Variants in AFF1 observed in about 807,000 individuals in gnomAD.
The protein encoded by AFF1 is ALF transcription elongation factor 1.
In AFF1, 48 loss-of-function variants were observed where a neutral mutation model predicts 121.7. The observed-to-expected ratio is 0.39, with a 90% CI of 0.31 to 0.50. The LOEUF (loss-of-function observed/expected upper bound fraction) is 0.50, where lower values mean the gene tolerates loss of function less well. Among genes scored for constraint, AFF1 ranks in the 20% least tolerant of loss-of-function variants. AFF1 has a pLI of 0.76. For synonymous variants in AFF1, 613 were observed against 563.0 expected (o/e 1.09, Z -1.26); for missense variants, 1,523 against 1,511.7 (o/e 1.01, Z -0.12).
At chr4:87,041,876 G>T (rs902022434) in intron 2 of AFF1, among the ~76,000 whole-genome samples, 4 of 151,996 alleles carry the variant, frequency 2.6e-5, no homozygotes, top group Admixed American at 6.6e-5. Context: ...TTAGCCAGGC[G>T]TGGTGTCGGG....
At chr4:87,071,980 TTG>T (rs149152030) in intron 4 of AFF1, among the ~76,000 whole-genome samples, 1 of 151,770 alleles carries the variant, frequency 6.6e-6, no homozygotes, top group Non-Finnish European at 1.5e-5. Context: ...AACTTCTTGG[TTG>T]TGTGTGTGTG....
intron 2 of AFF1, among the ~76,000 whole-genome samples, chr4:87,004,901 T>G (rs566563006): frequency 6.6e-6 from 1 of 152,364 alleles, no homozygotes; most frequent in Admixed American, 6.5e-5. Context: ...AAAGGTTAAT[T>G]GCATTGTGGA....
chr4:87,060,585 T>C (rs1720643524), intron 4 of AFF1, among the ~76,000 whole-genome samples: 1 of 152,076 alleles, frequency 6.6e-6, no homozygotes, highest in African/African-American at 2.4e-5. Flanking sequence ...ACGCCTGTAA[T>C]CCCAGCATTT....
chr4:86,974,701 A>G (rs1723172452), intron 2 of AFF1, among the ~76,000 whole-genome samples: 1 of 152,218 alleles, frequency 6.6e-6, no homozygotes, highest in Non-Finnish European at 1.5e-5. Context: ...AAATATTTTA[A>G]AGGCCAGTGT....
intron 11 of AFF1, among the ~76,000 whole-genome samples, chr4:87,112,723 T>C (rs573748934): frequency 2.6e-5 from 4 of 152,346 alleles, no homozygotes; most frequent in African/African-American, 9.6e-5. Context: ...CGGAGTGTTC[T>C]CCTTATCTAT....
At chr4:87,098,578 T>C (rs1319107164) in intron 8 of AFF1, among the ~76,000 whole-genome samples, 1 of 152,248 alleles carries the variant, frequency 6.6e-6, no homozygotes, top group Admixed American at 6.5e-5. Context: ...AAAATGTTAA[T>C]ATTTTAGAAA....
chr4:87,135,442 T>G, intron 20 of AFF1, 138 bp from the exon 21 acceptor site: 1 of 874,194 alleles, frequency 1.1e-6, no homozygotes, highest in Non-Finnish European at 1.6e-6. Context: ...TTACAGTAGA[T>G]TGTGATTTTT....
At chr4:87,106,950 T>G (rs1725967139) in intron 10 of AFF1, among the ~76,000 whole-genome samples, 1 of 152,208 alleles carries the variant, frequency 6.6e-6, no homozygotes, top group Non-Finnish European at 1.5e-5. Flanking sequence ...TGATGACTCA[T>G]AAAACATGAC....
At chr4:86,958,337 C>T (rs764288456) in intron 2 of AFF1, among the ~76,000 whole-genome samples, 9 of 151,974 alleles carry the variant, frequency 5.9e-5, no homozygotes, top group Non-Finnish European at 1.3e-4. Context: ...GTGATCTGCC[C>T]AACTCAGCCT....
chr4:87,047,280 C>T lies in AFF1; in HGVS notation c.745C>T (p.Pro249Ser), dbSNP rs374049092. ...CAGCAATAACAGTAAAGGCTATTGC[C>T]CAGCCAAATCTCCCAAGGACCTAGC... is the stretch of plus-strand genomic sequence containing the variant. ...GSSNNSKGYC[P>S]AKSPKDLAVK... The change falls in exon 4 of 21, where the codon CCA (proline) becomes TCA (serine). Residue 249 changes from proline (P) to serine (S), a missense_variant. Transcript: ENST00000395146. The T allele has an allele frequency of 2.0e-5, 33 of 1,613,968 alleles. No homozygotes were observed. In the Middle Eastern group the frequency reaches 4.9e-4, roughly 24 times the overall value.
At chr4:87,064,268 G>A (rs960609990) in intron 4 of AFF1, among the ~76,000 whole-genome samples, 1 of 152,192 alleles carries the variant, frequency 6.6e-6, no homozygotes, top group African/African-American at 2.4e-5. Flanking sequence ...AAGGAAAGGT[G>A]TAAGATTAAA....
At chr4:87,131,010 C>T (rs2149799811) in intron 16 of AFF1, 73 bp from the exon 17 acceptor site, 1 of 1,566,592 alleles carries the variant, frequency 6.4e-7, no homozygotes, top group East Asian at 2.3e-5. Context: ...GAAAGTCACA[C>T]TAAAGAATGT....
intron 2 of AFF1, among the ~76,000 whole-genome samples, chr4:87,028,767 G>A (rs1728782142): frequency 6.6e-6 from 1 of 152,190 alleles, no homozygotes; most frequent in Non-Finnish European, 1.5e-5. Flanking sequence ...TAAAATGCAT[G>A]TGACAGAATA....
chr4:86,945,288 G>C (rs1015171037), intron 1 of AFF1, among the ~76,000 whole-genome samples: 1 of 150,290 alleles, frequency 6.7e-6, no homozygotes, highest in African/African-American at 2.5e-5. Context: ...TTTAAATAGA[G>C]CCAAGTTAGT....
Position 87,007,430 on chromosome 4 carries a change from C to T in AFF1, c.39-38736C>T, listed in dbSNP as rs1323725272. ...ATTATGGCAGCCCAGTCAAGGTAAG[C>T]CGTGCACCGGAGAAACTTTTCAAAC... is the stretch of plus-strand genomic sequence containing the variant. On this transcript the variant is annotated intron_variant, in intron 2 of 20. Coordinates refer to ENST00000395146, the MANE Select transcript of AFF1 (RefSeq NM_001166693.3). 5 of 1,613,916 alleles carry T rather than the reference C, an allele frequency of 3.1e-6. No homozygotes were observed. In the African/African-American group the frequency reaches 5.3e-5, roughly 17 times the overall value.
chr4:86,969,084 C>T (rs1206367699), intron 2 of AFF1, among the ~76,000 whole-genome samples: 1 of 152,204 alleles, frequency 6.6e-6, no homozygotes, highest in Non-Finnish European at 1.5e-5. Context: ...CTTGTTCCTT[C>T]AGGAATCTGC....
At chr4:87,119,038 A>ACC (rs1727406755) in intron 12 of AFF1, among the ~76,000 whole-genome samples, 1 of 93,340 alleles carries the variant, frequency 1.1e-5, no homozygotes, top group East Asian at 2.9e-4. Context: ...CATTTTCCAC[A>ACC]CAGAAAAAGG....
chr4:86,988,324 A>G (rs1269159124), intron 2 of AFF1, among the ~76,000 whole-genome samples: 1 of 150,634 alleles, frequency 6.6e-6, no homozygotes, highest in Non-Finnish European at 1.5e-5. Context: ...CTCTCTCCAT[A>G]CCCCGCCTCC....
At chr4:86,984,254 A>C (rs549830616) in intron 2 of AFF1, among the ~76,000 whole-genome samples, 2 of 149,784 alleles carry the variant, frequency 1.3e-5, no homozygotes, top group Non-Finnish European at 3.0e-5. Flanking sequence ...AGTCGTTTCT[A>C]TGGTCCTGCA....
Sources: allele counts gnomAD v4.1 joint callset (sites outside exome capture counted in the v4.1 genomes callset), GRCh38; gene constraint gnomAD v4.1.1; transcripts MANE v1.5; gene names NCBI Gene and HGNC (gene_info 2026-07-23, HGNC 2026-07-21).